ROCK1: variants seen among roughly 807,000 people sequenced by gnomAD.
The protein encoded by ROCK1 is rho-associated protein kinase 1.
A neutral mutation model predicts 196.8 loss-of-function variants in ROCK1; 36 were observed. That is an observed-to-expected ratio of 0.18 (90% CI 0.14 to 0.24). The LOEUF is 0.24. Among genes scored for constraint, ROCK1 ranks in the 10% least tolerant of loss-of-function variants. The probability of loss-of-function intolerance (pLI) is 1.00; values close to 1 mark genes in which losing one functional copy is unlikely to be tolerated. For missense variants in ROCK1, 920 were observed against 1,562.0 expected (o/e 0.59, Z 6.93); for synonymous variants, 443 against 515.9 (o/e 0.86, Z 1.91).
intron 6 of ROCK1, among the ~76,000 whole-genome samples, chr18:21,043,589 C>T (rs535851915): frequency 7.3e-6 from 1 of 137,478 alleles, no homozygotes; most frequent in African/African-American, 3.2e-5. Context: ...TATGTATATA[C>T]ATATACATAA....
At chr18:21,055,242 C>G (rs1469979654) in intron 2 of ROCK1, among the ~76,000 whole-genome samples, 1 of 152,126 alleles carries the variant, frequency 6.6e-6, no homozygotes, top group Admixed American at 6.5e-5. Flanking sequence ...AATGACTGAT[C>G]CTATTTTAAA....
Position 21,065,629 on chromosome 18 carries a change from T to C in ROCK1, c.175+4903A>G, listed in dbSNP as rs528559755. ...CCTCCCAATGTTCTGGCTCCCAACA[T>C]GTGTCTTCAAAACTGTGACTAACTC... On this transcript the variant is annotated intron_variant, in intron 2 of 32. Transcript: ENST00000399799. 3.3e-5 allele frequency among the ~76,000 whole-genome samples: 5 copies of C among 152,276 alleles called. 1 individual carries two copies. The South Asian group carries it at 1.0e-3, about 32-fold the overall frequency.
chr18:21,097,348 C>G (rs2143595059), intron 1 of ROCK1, among the ~76,000 whole-genome samples: 1 of 152,300 alleles, frequency 6.6e-6, no homozygotes, highest in East Asian at 1.9e-4. Flanking sequence ...AATAAAGTAT[C>G]ACACTCTACT....
At chr18:21,036,945 C>T (rs1568390514) in intron 9 of ROCK1, among the ~76,000 whole-genome samples, 1 of 151,832 alleles carries the variant, frequency 6.6e-6, no homozygotes. Flanking sequence ...ATTTAACTGC[C>T]AACAATTGTC....
At chr18:20,955,389 A>G (rs551321401) in intron 29 of ROCK1, 144 bp from the exon 30 acceptor site, 1 of 986,982 alleles carries the variant, frequency 1.0e-6, no homozygotes, top group African/African-American at 1.6e-5. Context: ...AATTAAAACC[A>G]CAATAAGTGT....
intron 5 of ROCK1, chr18:21,045,074 T>C: frequency 3.3e-6 from 1 of 304,972 alleles, no homozygotes; most frequent in East Asian, 5.4e-5. Context: ...TTGTCCAGGC[T>C]GGTGTCAAAC....
intron 8 of ROCK1, 44 bp from the exon 9 acceptor site, chr18:21,039,607 CTTA>C: frequency 7.4e-7 from 1 of 1,348,510 alleles, no homozygotes; most frequent in Non-Finnish European, 1.1e-6. Context: ...CATTTAAGAT[CTTA>C]TTATAACCTG....
In ROCK1 at chr18:20,984,302, T is replaced by C. The variant is rs1225202873; in HGVS notation, c.2489+49A>G. 6.6e-6 allele frequency: 9 copies of C among 1,372,634 alleles called. No individual in the cohort carries two copies. In the East Asian group the frequency reaches 6.9e-5, roughly 10 times the overall value. The allele number at this position is 1,372,634 out of a possible 1,614,324, so 85.0% of individuals were successfully genotyped here. On this transcript the variant is annotated intron_variant, in intron 20 of 32. Coordinates refer to ENST00000399799, the MANE Select transcript of ROCK1 (RefSeq NM_005406.3). ...GTAAAATGTCAAACACACAAGTCAATGATGAACACAAAAAAGAAAGAAATC... is the reference window on the plus strand; with the variant it reads ...GTAAAATGTCAAACACACAAGTCAACGATGAACACAAAAAAGAAAGAAATC...
chr18:21,013,582 G>A (rs1227099933), intron 13 of ROCK1, among the ~76,000 whole-genome samples: 3 of 152,230 alleles, frequency 2.0e-5, no homozygotes, highest in African/African-American at 7.2e-5. Flanking sequence ...GGAAGTGTAA[G>A]TGTAGATTCC....
At chr18:21,071,793 A>T (rs1248166196) in intron 1 of ROCK1, among the ~76,000 whole-genome samples, 9 of 152,232 alleles carry the variant, frequency 5.9e-5, no homozygotes, top group Admixed American at 5.9e-4. Context: ...TTAAAGAAAA[A>T]AATAGTATAT....
chr18:21,093,613 C>T (rs2036588840), intron 1 of ROCK1, among the ~76,000 whole-genome samples: 1 of 152,106 alleles, frequency 6.6e-6, no homozygotes, highest in Non-Finnish European at 1.5e-5. Flanking sequence ...CAAACTGCCT[C>T]CCCATTCTCA....
At chr18:20,981,585 G>T (rs1254175158) in intron 21 of ROCK1, among the ~76,000 whole-genome samples, 1 of 152,108 alleles carries the variant, frequency 6.6e-6, no homozygotes, top group Non-Finnish European at 1.5e-5. Flanking sequence ...TTCCAGTTCT[G>T]ATGTCTATTT....
At chr18:21,077,029 A>T (rs2143562282) in intron 1 of ROCK1, among the ~76,000 whole-genome samples, 1 of 133,514 alleles carries the variant, frequency 7.5e-6, no homozygotes, top group South Asian at 2.4e-4. Context: ...TGCGGACTGC[A>T]GTGGCGCAAT....
chr18:21,049,219 T>C lies in ROCK1; in HGVS notation c.287A>G (p.Lys96Arg). 1 of 1,587,986 alleles carries C rather than the reference T, an allele frequency of 6.3e-7. No homozygotes were observed. The highest frequency in any genetic ancestry group is 8.6e-7 in the Non-Finnish European group (1 of 1,167,268). Residue 96 changes from lysine to arginine, a missense_variant, in exon 4 of 33, where the codon AAA becomes AGA. Physicochemically the swap from Lys to Arg is conservative, Grantham distance 26. Around this residue, in one of 6 missense-constraint regions of ROCK1, gnomAD observed 234 missense variants for 460.7 expected, o/e 0.51. Transcript: ENST00000399799. ...AFGEVQLVRH[K>R]STRKVYAMKL... ...CATAGCATATACCTTCCTGGTGGAT[T>C]TATGCCTTACCTTTAAAATTGAAAA...
At chr18:20,959,075 AATATATATATT>A (rs2035288712) in intron 29 of ROCK1, among the ~76,000 whole-genome samples, 1 of 45,258 alleles carries the variant, frequency 2.2e-5, no homozygotes, top group Non-Finnish European at 3.4e-5. Context: ...TATATTATAT[AATATATATATT>A]TTATATAATA....
At chr18:21,063,455 T>C (rs1005699924) in intron 2 of ROCK1, among the ~76,000 whole-genome samples, 10 of 151,062 alleles carry the variant, frequency 6.6e-5, no homozygotes, top group Admixed American at 6.6e-4. Flanking sequence ...TGGAAAGAAT[T>C]CTAGAAAGAG....
chr18:20,970,829 G>A (rs533299233), intron 22 of ROCK1, among the ~76,000 whole-genome samples: 1 of 152,332 alleles, frequency 6.6e-6, no homozygotes, highest in African/African-American at 2.4e-5. Context: ...GCGTGGCATA[G>A]TGGAAAAGTC....
intron 16 of ROCK1, among the ~76,000 whole-genome samples, chr18:20,997,191 CA>C (rs1156526579): frequency 1.3e-5 from 2 of 151,434 alleles, no homozygotes; most frequent in East Asian, 1.9e-4. Flanking sequence ...AATAAAAAAA[CA>C]AAAAAACAGA....
chr18:20,978,782 G>C (rs1386041272), intron 22 of ROCK1, among the ~76,000 whole-genome samples: 3 of 152,210 alleles, frequency 2.0e-5, no homozygotes, highest in Admixed American at 2.0e-4. Flanking sequence ...AGGAAAGAAG[G>C]CATAATTAGG....
Sources: gnomAD v4.1 joint callset for allele counts (sites outside exome capture counted in the v4.1 genomes callset) on GRCh38, gnomAD v4.1.1 for gene constraint, gnomAD v4.1.1 regional missense constraint, MANE v1.5 for transcripts, NCBI Gene and HGNC (gene_info 2026-07-23, HGNC 2026-07-21) for gene names.